AUTS2: variants seen among roughly 807,000 people sequenced by gnomAD.
The protein encoded by AUTS2 is autism susceptibility gene 2 protein.
A neutral mutation model predicts 112.4 loss-of-function variants in AUTS2; 17 were observed. The observed-to-expected ratio is 0.15, with a 90% CI of 0.10 to 0.23. AUTS2 has a LOEUF of 0.23. Among genes scored for constraint, AUTS2 ranks in the 10% least tolerant of loss-of-function variants. The pLI is 1.00. For missense variants in AUTS2, 1,510 were observed against 1,701.6 expected (o/e 0.89, Z 1.98); for synonymous variants, 751 against 702.7 (o/e 1.07, Z -1.09).
At chr7:70,584,229 G>C (rs533497289) in intron 5 of AUTS2, among the ~76,000 whole-genome samples, 1 of 152,136 alleles carries the variant, frequency 6.6e-6, no homozygotes, top group African/African-American at 2.4e-5. Flanking sequence ...AATCAAAAGC[G>C]TCCAGTCTGG....
chr7:69,760,836 A>AATG (rs1166915486), intron 1 of AUTS2, among the ~76,000 whole-genome samples: 1 of 152,178 alleles, frequency 6.6e-6, no homozygotes, highest in Non-Finnish European at 1.5e-5. Flanking sequence ...TAATAATAAT[A>AATG]ATTATAAGTG....
chr7:70,147,868 C>T (rs1272290072), intron 4 of AUTS2, among the ~76,000 whole-genome samples: 1 of 152,028 alleles, frequency 6.6e-6, no homozygotes, highest in Non-Finnish European at 1.5e-5. Flanking sequence ...CTTCACTCAG[C>T]CCACTGGTCT....
intron 5 of AUTS2, among the ~76,000 whole-genome samples, chr7:70,530,533 G>C (rs538495320): frequency 6.6e-6 from 1 of 152,160 alleles, no homozygotes; most frequent in South Asian, 2.1e-4. Context: ...TTCTGTCTGT[G>C]TAGAATTACT....
At chr7:70,635,012 G>A (rs1405761579) in intron 5 of AUTS2, among the ~76,000 whole-genome samples, 1 of 152,166 alleles carries the variant, frequency 6.6e-6, no homozygotes, top group Non-Finnish European at 1.5e-5. Context: ...CATCTGTAAA[G>A]AGGGAGTCAC....
intron 2 of AUTS2, among the ~76,000 whole-genome samples, chr7:69,946,117 G>A (rs1252328132): frequency 1.3e-5 from 2 of 152,168 alleles, no homozygotes; most frequent in Non-Finnish European, 2.9e-5. Flanking sequence ...AAAGTGCTGG[G>A]ATTATAGGCG....
intron 4 of AUTS2, among the ~76,000 whole-genome samples, chr7:70,386,953 A>G (rs766330792): frequency 2.0e-5 from 3 of 152,046 alleles, no homozygotes; most frequent in Non-Finnish European, 2.9e-5. Context: ...CCAAGTGTTC[A>G]CCCTTTTCTC....
chr7:69,821,942 A>G (rs1037313909), intron 1 of AUTS2, among the ~76,000 whole-genome samples: 2 of 149,022 alleles, frequency 1.3e-5, no homozygotes, highest in South Asian at 2.1e-4. Context: ...AAAAAAGTCT[A>G]GTAAGTTTTT....
chr7:70,615,649 A>G (rs1804325823), intron 5 of AUTS2, among the ~76,000 whole-genome samples: 1 of 152,026 alleles, frequency 6.6e-6, no homozygotes, highest in Non-Finnish European at 1.5e-5. Flanking sequence ...ACCAACATGT[A>G]TGTGGCCCTT....
intron 6 of AUTS2, among the ~76,000 whole-genome samples, chr7:70,736,864 T>G (rs1787807417): frequency 6.6e-6 from 1 of 152,208 alleles, no homozygotes; most frequent in Non-Finnish European, 1.5e-5. Flanking sequence ...GATTGTGCAA[T>G]GGAGTCAGAA....
chr7:70,780,026 TAA>T (rs60802237), intron 14 of AUTS2, among the ~76,000 whole-genome samples: 20 of 136,980 alleles, frequency 1.5e-4, no homozygotes, highest in East Asian at 2.1e-4. Context: ...CTCATCTCTT[TAA>T]AAAAAAAAAA....
chr7:70,372,235 A>G (rs1454523734), intron 4 of AUTS2, among the ~76,000 whole-genome samples: 1 of 152,222 alleles, frequency 6.6e-6, no homozygotes, highest in Non-Finnish European at 1.5e-5. Flanking sequence ...TCTGATGCCA[A>G]CCTGGCCAGA....
intron 1 of AUTS2, among the ~76,000 whole-genome samples, chr7:69,863,397 C>T (rs117203421): frequency 1.3e-5 from 2 of 152,052 alleles, no homozygotes; most frequent in Non-Finnish European, 2.9e-5. Flanking sequence ...CTTGAGCATT[C>T]GTGGATTTTA....
chr7:70,400,049 A>C (rs1794259279), intron 4 of AUTS2, among the ~76,000 whole-genome samples: 1 of 152,240 alleles, frequency 6.6e-6, no homozygotes. Flanking sequence ...GTCACCTTCT[A>C]TACGAGGAAC....
At chr7:69,711,738 T>G (rs377072960) in intron 1 of AUTS2, among the ~76,000 whole-genome samples, 20 of 152,296 alleles carry the variant, frequency 1.3e-4, no homozygotes, top group African/African-American at 4.8e-4. Context: ...AGTTCTTCAA[T>G]TTTTCCTAGG....
intron 5 of AUTS2, among the ~76,000 whole-genome samples, chr7:70,524,542 G>A (rs562425640): frequency 6.6e-6 from 1 of 152,306 alleles, no homozygotes; most frequent in South Asian, 2.1e-4. Flanking sequence ...ATGGCCTGGA[G>A]GCTGCTTCCT....
At chr7:69,630,758 A>G (rs1794193151) in intron 1 of AUTS2, among the ~76,000 whole-genome samples, 1 of 152,196 alleles carries the variant, frequency 6.6e-6, no homozygotes, top group Non-Finnish European at 1.5e-5. Flanking sequence ...GACTTTAAAC[A>G]ATTAAAGATT....
At chr7:70,347,140 G>A (rs899520730) in intron 4 of AUTS2, among the ~76,000 whole-genome samples, 5 of 152,082 alleles carry the variant, frequency 3.3e-5, no homozygotes, top group Non-Finnish European at 5.9e-5. Context: ...TCTTCTTCCT[G>A]GATGCTTTCC....
intron 4 of AUTS2, among the ~76,000 whole-genome samples, chr7:70,216,164 T>G (rs1417684380): frequency 6.6e-6 from 1 of 152,204 alleles, no homozygotes; most frequent in Non-Finnish European, 1.5e-5. Flanking sequence ...TTACAGCTGT[T>G]CAGTCCTCCC....
chr7:70,211,243 A>G (rs1810868450), intron 4 of AUTS2, among the ~76,000 whole-genome samples: 1 of 152,098 alleles, frequency 6.6e-6, no homozygotes, highest in Non-Finnish European at 1.5e-5. Flanking sequence ...GACATATCAA[A>G]AGTGTATCTT....
Sources: gnomAD v4.1 joint callset for allele counts (sites outside exome capture counted in the v4.1 genomes callset) on GRCh38, gnomAD v4.1.1 for gene constraint, MANE v1.5 for transcripts, NCBI Gene and HGNC (gene_info 2026-07-23, HGNC 2026-07-21) for gene names.